Variants in MYNN observed in about 807,000 individuals in gnomAD.
MYNN encodes the protein zinc finger and BTB domain-containing protein 31.
A neutral mutation model predicts 57.2 loss-of-function variants in MYNN; 22 were observed. The ratio of observed to expected loss-of-function variants is 0.38; its 90% CI spans 0.27 to 0.55. MYNN has a LOEUF of 0.55. MYNN is among the 20% of genes least tolerant of loss of function. MYNN has a pLI of 0.71. For missense variants in MYNN, 566 were observed against 723.1 expected, an observed-to-expected ratio of 0.78 and a Z score of 2.49; for synonymous variants, 241 against 257.1, an observed-to-expected ratio of 0.94 and a Z score of 0.60.
chr3:169,786,646 C>T lies in MYNN; in HGVS notation c.1801C>T (p.Pro601Ser). Residue 601 changes from proline (P) to serine (S), a missense_variant, in exon 8 of 8, where the codon CCA becomes TCA. Pro to Ser is a moderately conservative substitution (Grantham distance 74). Transcript: ENST00000349841. ...GTCAACTGTGAATGGGTATTCAGAACCACAGTTGATTTTTTTACAACAATT... is the reference window on the plus strand; with the variant it reads ...GTCAACTGTGAATGGGTATTCAGAATCACAGTTGATTTTTTTACAACAATT... The part of the protein sequence containing the change: ...LRSTVNGYSE[P>S]QLIFLQQLY 6.2e-7 allele frequency: 1 copy of T among 1,612,956 alleles called. No homozygotes were observed. Among genetic ancestry groups the T allele is most frequent in the Non-Finnish European group, 8.5e-7 (1 of 1,179,326 alleles).
Position 169,782,373 on chromosome 3 carries a change from C to A in MYNN, c.1221-92C>A. On this transcript the variant is annotated intron_variant, in intron 4 of 7. Transcript: ENST00000349841. The surrounding 1 kb of genome is among the most constrained non-coding windows in gnomAD (Gnocchi z 4.8). ...ACATAGTCTTGGCCTGTTAAGATGACATGAAATAAAATCTATAAAAAACTT... is the reference window on the plus strand; with the variant it reads ...ACATAGTCTTGGCCTGTTAAGATGAAATGAAATAAAATCTATAAAAAACTT... 9.5e-7 allele frequency: 1 copy of A among 1,048,922 alleles called. No homozygotes were observed. Among genetic ancestry groups the A allele is most frequent in the Non-Finnish European group, 1.4e-6 (1 of 730,666 alleles). 65.0% of individuals were successfully genotyped at this position (1,048,922 alleles called of 1,614,324 possible).
At chr3:169,778,456 T>A in intron 2 of MYNN, 1 of 208,464 alleles carries the variant, frequency 4.8e-6, no homozygotes, top group South Asian at 1.0e-4. Context: ...GGTAGTGAGT[T>A]ACCATCAGCT....
Position 169,789,080 on chromosome 3 carries a change from C to A in MYNN, c.*2402C>A, listed in dbSNP as rs1778752249. On this transcript the variant is annotated 3_prime_UTR_variant, in exon 8 of 8. Coordinates refer to ENST00000349841, the MANE Select transcript of MYNN (RefSeq NM_018657.5). ...CTATTTTCTAAATAAATTTAATTTTCTTTTGTATTTGTATCAGATCATGCC... is the reference window on the plus strand; with the variant it reads ...CTATTTTCTAAATAAATTTAATTTTATTTTGTATTTGTATCAGATCATGCC... 6.6e-6 allele frequency: 1 copy of A among 151,874 alleles called. No individual in the cohort carries two copies. Among genetic ancestry groups the A allele is most frequent in the Admixed American group, 6.6e-5 (1 of 15,252 alleles). The allele number at this position is 151,874 out of a possible 1,614,324, so 9.4% of individuals were successfully genotyped here.
In MYNN at chr3:169,779,214, C is replaced by G. The variant is rs1390789705; in HGVS notation, c.713C>G (p.Thr238Arg). 1 of 1,614,156 alleles carries G rather than the reference C, an allele frequency of 6.2e-7. No homozygotes were observed. ...QINDNSELELTSVVENTFPAQ... is the reference protein window; with the variant it reads ...QINDNSELELRSVVENTFPAQ... ...AATGATAATTCAGAACTCGAGTTGACATCAGTTGTGGAAAATACTTTTCCA... is the reference window on the plus strand; with the variant it reads ...AATGATAATTCAGAACTCGAGTTGAGATCAGTTGTGGAAAATACTTTTCCA... The change falls in exon 3 of 8, where the codon ACA (threonine) becomes AGA (arginine). Residue 238 changes from threonine to arginine, a missense_variant. Around this residue, in one of 4 missense-constraint regions of MYNN, gnomAD observed 261 missense variants for 280.8 expected, o/e 0.93. Coordinates refer to ENST00000349841, the MANE Select transcript of MYNN (RefSeq NM_018657.5).
chr3:169,773,749 C>G (rs761861680), intron 1 of MYNN, among the ~76,000 whole-genome samples: 7 of 152,138 alleles, frequency 4.6e-5, no homozygotes, highest in Non-Finnish European at 8.8e-5. Context: ...GCCTCCTTAG[C>G]GCGAGTGATA....
At chr3:169,784,277 T>C (rs1778608316) in intron 6 of MYNN, among the ~76,000 whole-genome samples, 1 of 152,010 alleles carries the variant, frequency 6.6e-6, no homozygotes, top group Non-Finnish European at 1.5e-5. Flanking sequence ...ACACTTATTT[T>C]CTCCCAGCTG....
In MYNN at chr3:169,783,545, T is replaced by G; in HGVS notation, c.1468T>G (p.Phe490Val). Reference protein sequence around the residue: ...FISSGELNKHFRSHTGERPFI... With the variant: ...FISSGELNKHVRSHTGERPFI... ...TTCCTCAGGAGAGCTCAACAAACAC[T>G]TTCGGTCCCATACAGGTCTGTGTTT... Residue 490 changes from phenylalanine (F) to valine (V), a missense_variant, in exon 6 of 8, where the codon TTT becomes GTT. Coordinates refer to ENST00000349841, the MANE Select transcript of MYNN (RefSeq NM_018657.5). 1 of 1,609,828 alleles carries G rather than the reference T, an allele frequency of 6.2e-7. No individual in the cohort carries two copies. The highest frequency in any genetic ancestry group is 8.5e-7 in the Non-Finnish European group (1 of 1,176,590).
intron 3 of MYNN, 117 bp downstream of exon 3, chr3:169,779,678 A>T: frequency 9.4e-7 from 1 of 1,064,694 alleles, no homozygotes; most frequent in African/African-American, 1.6e-5. Flanking sequence ...TTTTCTATTC[A>T]TCAAAGTATT....
rs1778483772 is a variant in MYNN at position 169,780,687 on chromosome 3, C to T, written c.1158C>T (p.Pro386=). ...GCATGCATCATGGTGAAGAAAAACC[C>T]TATAAATGTGATGTATGCAACTTAC... ...HSRMHHGEEK[P]YKCDVCNLQF... is the part of the protein sequence containing the mutation. The change falls in exon 4 of 8, where the codon CCC becomes CCT. Residue 386 remains proline (P), a synonymous_variant. Transcript: ENST00000349841. 4 of 1,612,384 alleles carry T rather than the reference C, an allele frequency of 2.5e-6. No homozygotes were observed. The highest frequency in any genetic ancestry group is 3.4e-6 in the Non-Finnish European group (4 of 1,179,526).
rs1393149462 is a variant in MYNN at position 169,778,957 on chromosome 3, T to C, written c.456T>C (p.Asn152=). ...TCLLTLRDYN[N]REKSEVSTDL... Reference sequence around the variant, plus strand: ...TTCTTACTCTGCGAGATTATAATAATCGAGAGAAATCAGAAGTATCTACAG... The same window carrying C: ...TTCTTACTCTGCGAGATTATAATAACCGAGAGAAATCAGAAGTATCTACAG... Residue 152 remains asparagine, a synonymous_variant, in exon 3 of 8, where the codon AAT becomes AAC. Coordinates refer to ENST00000349841, the MANE Select transcript of MYNN (RefSeq NM_018657.5). 1 of 1,613,640 alleles carries C rather than the reference T, an allele frequency of 6.2e-7. No homozygotes were observed. The highest frequency in any genetic ancestry group is 8.5e-7 in the Non-Finnish European group (1 of 1,179,992).
rs924184821 is a variant in MYNN at position 169,773,784 on chromosome 3, C to G, written c.-32+322C>G. Among the ~76,000 whole-genome samples, 4 of 152,284 alleles carry G rather than the reference C, an allele frequency of 2.6e-5. No individual in the cohort carries two copies. In the South Asian group the frequency reaches 6.2e-4, roughly 24 times the overall value. The stretch of plus-strand genomic sequence containing the variant: ...AGAACCTTTGACAGCAAGCCATGGC[C>G]GGGCGCATTCCCGGCTTTCTGGGCA... On this transcript the variant is annotated intron_variant, in intron 1 of 7. Transcript: ENST00000349841.
chr3:169,780,717 T>C lies in MYNN; in HGVS notation c.1188T>C (p.Phe396=), dbSNP rs1424755804. The change falls in exon 4 of 8, where the codon TTT becomes TTC. Residue 396 remains phenylalanine, a synonymous_variant. Coordinates refer to ENST00000349841, the MANE Select transcript of MYNN (RefSeq NM_018657.5). ...PYKCDVCNLQ[F]ATSSNLKIHA... is the part of the protein sequence containing the mutation. ...AATGTGATGTATGCAACTTACAGTT[T>C]GCAACTTCTAGCAATCTCAAGATTC... The C allele has an allele frequency of 6.2e-7, 1 of 1,603,716 alleles. No individual in the cohort carries two copies. Among genetic ancestry groups the C allele is most frequent in the Admixed American group, 1.8e-5 (1 of 56,824 alleles).
rs1778724936 is a variant in MYNN, at chr3:169,788,193, G to A, written c.*1515G>A. On this transcript the variant is annotated 3_prime_UTR_variant, in exon 8 of 8. Coordinates refer to ENST00000349841, the MANE Select transcript of MYNN (RefSeq NM_018657.5). ...TAAAAACACTTAATGCTTGTAGTCT[G>A]TAGAGATCTTCACCATTTCACAGCA... 4 of 151,998 alleles carry A rather than the reference G, an allele frequency of 2.6e-5. 1 individual carries two copies. Among genetic ancestry groups the A allele is most frequent in the South Asian group, 4.1e-4 (2 of 4,820 alleles). The allele number at this position is 151,998 out of a possible 1,614,324, so 9.4% of individuals were successfully genotyped here. A position where few individuals can be genotyped will look rare whatever the true frequency, so the allele number is the denominator to read the frequency against.
In MYNN at chr3:169,782,726, C is replaced by A; in HGVS notation, c.1399+83C>A. 2.6e-6 allele frequency: 3 copies of A among 1,135,602 alleles called. No individual in the cohort carries two copies. The highest frequency in any genetic ancestry group is 3.8e-6 in the Non-Finnish European group (3 of 797,922). 70.3% of individuals were successfully genotyped at this position (1,135,602 alleles called of 1,614,324 possible). A position where few individuals can be genotyped will look rare whatever the true frequency, so the allele number is the denominator to read the frequency against. On this transcript the variant is annotated intron_variant, in intron 5 of 7. Coordinates refer to ENST00000349841, the MANE Select transcript of MYNN (RefSeq NM_018657.5). This position sits in a 1 kb window ranked among gnomAD's most constrained non-coding sequence, Gnocchi z 4.8. ...ACTTGGGCCTTTTAGCGAAGTAGATCGGAAACTTTGTAGTTAGATATCTGT... is the reference window on the plus strand; with the variant it reads ...ACTTGGGCCTTTTAGCGAAGTAGATAGGAAACTTTGTAGTTAGATATCTGT...
At position 169,782,983 on chromosome 3, in the gene MYNN, T is replaced by C. The variant is rs974778007; in HGVS notation, c.1399+340T>C. Among the ~76,000 whole-genome samples, 1 of 151,944 alleles carries C rather than the reference T, an allele frequency of 6.6e-6. No individual in the cohort carries two copies. The highest frequency in any genetic ancestry group is 2.4e-5 in the African/African-American group (1 of 41,392). On this transcript the variant is annotated intron_variant, in intron 5 of 7. Coordinates refer to ENST00000349841, the MANE Select transcript of MYNN (RefSeq NM_018657.5). The surrounding 1 kb of genome is among the most constrained non-coding windows in gnomAD (Gnocchi z 4.8). Reference sequence around the variant, plus strand: ...ATCTCCTATAGTTAGGGTTGGGGAGTGGGTTTGGGTTGAACATGGATTTTT... The same window carrying C: ...ATCTCCTATAGTTAGGGTTGGGGAGCGGGTTTGGGTTGAACATGGATTTTT...
intron 7 of MYNN, 101 bp downstream of exon 7, chr3:169,784,809 T>C: frequency 1.4e-6 from 1 of 702,394 alleles, no homozygotes; most frequent in Non-Finnish European, 2.3e-6. Context: ...ATTTAAGCAG[T>C]TTAAATTAGA....
chr3:169,780,713 A>G lies in MYNN; in HGVS notation c.1184A>G (p.Gln395Arg). ...KPYKCDVCNLQFATSSNLKIH... is the reference protein window; with the variant it reads ...KPYKCDVCNLRFATSSNLKIH... ...TATAAATGTGATGTATGCAACTTAC[A>G]GTTTGCAACTTCTAGCAATCTCAAG... The change falls in exon 4 of 8, where the codon CAG (glutamine) becomes CGG (arginine). Residue 395 changes from glutamine (Q) to arginine (R), a missense_variant. Physicochemically the swap from Gln to Arg is conservative, Grantham distance 43 (BLOSUM62 1). Around this residue, in one of 4 missense-constraint regions of MYNN, gnomAD observed 123 missense variants for 222.6 expected, o/e 0.55. Transcript: ENST00000349841. The G allele has an allele frequency of 6.2e-7, 1 of 1,605,174 alleles. No homozygotes were observed. Among genetic ancestry groups the G allele is most frequent in the Non-Finnish European group, 8.5e-7 (1 of 1,177,796 alleles).
intron 3 of MYNN, 143 bp downstream of exon 3, chr3:169,779,704 G>T (rs1176243733): frequency 1.2e-6 from 1 of 853,152 alleles, no homozygotes; most frequent in East Asian, 2.7e-5. Context: ...GTGTTAAACT[G>T]TTGAAAATTT....
intron 7 of MYNN, among the ~76,000 whole-genome samples, chr3:169,785,199 G>C (rs2108209772): frequency 6.6e-6 from 1 of 151,962 alleles, no homozygotes; most frequent in South Asian, 2.1e-4. Flanking sequence ...GAGTCTATTG[G>C]TTAAAGTGAA....
Sources: allele counts gnomAD v4.1 joint callset (sites outside exome capture counted in the v4.1 genomes callset), GRCh38; gene constraint gnomAD v4.1.1; regional missense constraint gnomAD v4.1.1; non-coding constraint Gnocchi (gnomAD v3.1); transcripts MANE v1.5; gene names NCBI Gene and HGNC (gene_info 2026-07-23, HGNC 2026-07-21).